ZNF385D: variants seen among roughly 807,000 people sequenced by gnomAD.
The protein encoded by ZNF385D is zinc finger protein 659.
In ZNF385D, 15 loss-of-function variants were observed where a neutral mutation model predicts 35.8. The observed-to-expected ratio is 0.42, with a 90% confidence interval of 0.28 to 0.64. The LOEUF is 0.64. Ranked by LOEUF, ZNF385D falls within the 30% of genes least tolerant of loss-of-function variation. ZNF385D has a pLI of 0.23. For missense variants in ZNF385D, 474 were observed against 494.6 expected (o/e 0.96, Z 0.39); for synonymous variants, 212 against 186.8 (o/e 1.13, Z -1.10).
At chr3:22,029,010 C>T (rs562949175) in intron 3 of ZNF385D, among the ~76,000 whole-genome samples, 1 of 152,228 alleles carries the variant, frequency 6.6e-6, no homozygotes, top group Non-Finnish European at 1.5e-5. Flanking sequence ...GCACCACTCA[C>T]CATCATCCCT....
At chr3:21,478,388 G>C (rs1424463170) in intron 4 of ZNF385D, among the ~76,000 whole-genome samples, 1 of 152,002 alleles carries the variant, frequency 6.6e-6, no homozygotes, top group African/African-American at 2.4e-5. Context: ...TTGGTAAAAA[G>C]GATAAAAGAG....
At chr3:22,296,551 T>C (rs1702589878) in intron 2 of ZNF385D, among the ~76,000 whole-genome samples, 1 of 152,078 alleles carries the variant, frequency 6.6e-6, no homozygotes, top group African/African-American at 2.4e-5. Context: ...TTGGCACCTA[T>C]GAAAGGAAAG....
chr3:22,095,036 C>A (rs1701538521), intron 3 of ZNF385D, among the ~76,000 whole-genome samples: 4 of 151,462 alleles, frequency 2.6e-5, no homozygotes, highest in Non-Finnish European at 5.9e-5. Context: ...GACTCCCCAA[C>A]AGTTAGGACT....
In ZNF385D at chr3:22,006,625, T is replaced by C. The variant is rs1321193095; in HGVS notation, c.325+162192A>G. On this transcript the variant is annotated intron_variant, in intron 3 of 5. Coordinates refer to the ZNF385D transcript ENST00000494108. ...TCATTACAGAAAGAAGAGAGTTAAGTAGGAATAAATTGGAAAAGAAAATAG... is the reference window on the plus strand; with the variant it reads ...TCATTACAGAAAGAAGAGAGTTAAGCAGGAATAAATTGGAAAAGAAAATAG... Among the ~76,000 whole-genome samples, 5 of 152,016 alleles carry C rather than the reference T, an allele frequency of 3.3e-5. No individual in the cohort carries two copies. In the East Asian group the frequency reaches 5.8e-4, roughly 18 times the overall value.
chr3:21,504,558 A>G (rs1457756936), intron 4 of ZNF385D, among the ~76,000 whole-genome samples: 1 of 152,146 alleles, frequency 6.6e-6, no homozygotes, highest in Admixed American at 6.6e-5. Flanking sequence ...TCAAGGGAGT[A>G]CTCTCAAGAG....
chr3:22,243,967 G>A lies in ZNF385D; in HGVS notation c.107-74932C>T, dbSNP rs114973180. Among the ~76,000 whole-genome samples, 766 of 150,818 alleles carry A rather than the reference G, an allele frequency of 5.1e-3. 42 individuals are homozygous for A. The highest frequency in any genetic ancestry group is 0.018 in the African/African-American group (727 of 40,760). Reference sequence around the variant, plus strand: ...TATTTCTATTATATATATTTCATAAGTGACTAGAAATTTATGGTCTATGAC... The same window carrying A: ...TATTTCTATTATATATATTTCATAAATGACTAGAAATTTATGGTCTATGAC... On this transcript the variant is annotated intron_variant, in intron 2 of 5. Coordinates refer to the ZNF385D transcript ENST00000494108.
At chr3:21,439,203 T>C (rs3907796) in intron 4 of ZNF385D, among the ~76,000 whole-genome samples, 44,351 of 149,410 alleles carry the variant, frequency 0.3, 7,242 homozygotes, top group Middle Eastern at 0.45. Flanking sequence ...ATGAGAAAAC[T>C]CTAGAAGTTA....
chr3:21,502,299 T>G (rs2125442340), intron 4 of ZNF385D, among the ~76,000 whole-genome samples: 1 of 152,310 alleles, frequency 6.6e-6, no homozygotes, highest in South Asian at 2.1e-4. Flanking sequence ...AGGGTCCATT[T>G]ATTTTCCCTC....
intron 2 of ZNF385D, among the ~76,000 whole-genome samples, chr3:21,658,381 A>C (rs1428336796): frequency 6.6e-6 from 1 of 152,014 alleles, no homozygotes; most frequent in African/African-American, 2.4e-5. Context: ...TTTCTTTCCT[A>C]ATAAGTGATT....
At chr3:21,915,606 G>T (rs939414052) in intron 3 of ZNF385D, among the ~76,000 whole-genome samples, 44 of 151,840 alleles carry the variant, frequency 2.9e-4, no homozygotes, top group African/African-American at 9.7e-4. Context: ...AAGAGAGCTT[G>T]AACTACCCCT....
chr3:22,299,846 C>T (rs2125409959), intron 2 of ZNF385D, among the ~76,000 whole-genome samples: 1 of 151,660 alleles, frequency 6.6e-6, no homozygotes, highest in East Asian at 1.9e-4. Flanking sequence ...AACCTGTGTC[C>T]GTAGATTAGA....
chr3:22,359,379 G>T (rs1395130338), intron 2 of ZNF385D, among the ~76,000 whole-genome samples: 1 of 151,808 alleles, frequency 6.6e-6, no homozygotes, highest in African/African-American at 2.4e-5. Context: ...TAAAAAGTTT[G>T]CATTTTTGTT....
At chr3:21,661,022 A>C (rs578103544) in intron 2 of ZNF385D, among the ~76,000 whole-genome samples, 5 of 152,210 alleles carry the variant, frequency 3.3e-5, no homozygotes, top group Non-Finnish European at 7.3e-5. Flanking sequence ...GCCACTGAAA[A>C]GAAATATTTC....
intron 2 of ZNF385D, among the ~76,000 whole-genome samples, chr3:22,363,699 G>A (rs1173368252): frequency 6.6e-6 from 1 of 152,138 alleles, no homozygotes; most frequent in Non-Finnish European, 1.5e-5. Flanking sequence ...TCTGGTGAGT[G>A]TGTATTCTTA....
intron 3 of ZNF385D, among the ~76,000 whole-genome samples, chr3:21,956,453 TG>T (rs954075188): frequency 6.6e-6 from 1 of 151,958 alleles, no homozygotes; most frequent in Non-Finnish European, 1.5e-5. Flanking sequence ...GAAAAAGGAT[TG>T]ACACTCTACA....
At chr3:21,957,360 G>C (rs1182561876) in intron 3 of ZNF385D, among the ~76,000 whole-genome samples, 1 of 152,152 alleles carries the variant, frequency 6.6e-6, no homozygotes, top group African/African-American at 2.4e-5. Flanking sequence ...ACAGGCAGAG[G>C]TTGGAACAGA....
intron 1 of ZNF385D, among the ~76,000 whole-genome samples, chr3:21,665,254 T>C (rs574467791): frequency 2.6e-5 from 4 of 152,328 alleles, no homozygotes; most frequent in African/African-American, 9.6e-5. Flanking sequence ...TCTGGTTATG[T>C]AAGTAACATC....
chr3:22,313,340 G>A (rs1214161895), intron 2 of ZNF385D, among the ~76,000 whole-genome samples: 3 of 151,912 alleles, frequency 2.0e-5, no homozygotes, highest in East Asian at 3.9e-4. Flanking sequence ...CATGGCACAT[G>A]TATACATATG....
chr3:21,754,720 T>C (rs1367937651), upstream of ZNF385D, among the ~76,000 whole-genome samples: 2 of 152,134 alleles, frequency 1.3e-5, no homozygotes, highest in African/African-American at 4.8e-5. Context: ...TGACACACTA[T>C]TTTAGACGTC....
Sources: gnomAD v4.1 joint callset for allele counts (sites outside exome capture counted in the v4.1 genomes callset) on GRCh38, gnomAD v4.1.1 for gene constraint, MANE v1.5 for transcripts, NCBI Gene and HGNC (gene_info 2026-07-23, HGNC 2026-07-21) for gene names.